CNBD1: variants seen among roughly 807,000 people sequenced by gnomAD.
CNBD1 encodes the protein cyclic nucleotide-binding domain-containing protein 1.
CNBD1 carries 71 observed loss-of-function variants against 54.4 expected under a neutral mutation model. That is an observed-to-expected ratio of 1.30 (90% confidence interval 1.08 to 1.59). The LOEUF (loss-of-function observed/expected upper bound fraction) is 1.59, where lower values mean the gene tolerates loss of function less well. CNBD1 is among the 40% of genes most tolerant of loss of function. CNBD1 has a pLI of 0.00. For missense variants in CNBD1, 659 were observed against 518.0 expected, an observed-to-expected ratio of 1.27 and a Z score of -2.64; for synonymous variants, 182 against 170.7, an observed-to-expected ratio of 1.07 and a Z score of -0.51.
At chr8:87,319,654 G>A (rs1809478115) in intron 8 of CNBD1, among the ~76,000 whole-genome samples, 1 of 151,986 alleles carries the variant, frequency 6.6e-6, no homozygotes, top group South Asian at 2.1e-4. Context: ...GTAACTAAAT[G>A]TGTTGTTACA....
At chr8:87,022,871 T>A (rs1284063395) in intron 4 of CNBD1, among the ~76,000 whole-genome samples, 1 of 152,178 alleles carries the variant, frequency 6.6e-6, no homozygotes, top group African/African-American at 2.4e-5. Flanking sequence ...CTTGCTTGCT[T>A]GAAGTCACAA....
intron 10 of CNBD1, among the ~76,000 whole-genome samples, chr8:87,378,874 C>T (rs1180569662): frequency 6.7e-6 from 1 of 149,274 alleles, no homozygotes; most frequent in Non-Finnish European, 1.5e-5. Context: ...CTTCATATCC[C>T]TTGTAAGTTG....
chr8:87,298,862 T>C (rs1808933216), intron 8 of CNBD1, among the ~76,000 whole-genome samples: 1 of 152,182 alleles, frequency 6.6e-6, no homozygotes, highest in Admixed American at 6.5e-5. Flanking sequence ...ATCTGCTCTG[T>C]GTCAGCTACT....
At chr8:87,164,416 T>C (rs1358994883) in intron 4 of CNBD1, among the ~76,000 whole-genome samples, 1 of 151,814 alleles carries the variant, frequency 6.6e-6, no homozygotes, top group African/African-American at 2.4e-5. Context: ...CATTTGACCC[T>C]AGATGTTTTT....
chr8:87,298,211 C>T (rs1269137423), intron 8 of CNBD1, among the ~76,000 whole-genome samples: 1 of 151,228 alleles, frequency 6.6e-6, no homozygotes, highest in African/African-American at 2.4e-5. Flanking sequence ...AAAGTTTTAC[C>T]CCACTTGCAA....
chr8:86,901,463 A>G (rs1372571284), intron 2 of CNBD1, among the ~76,000 whole-genome samples: 10 of 152,226 alleles, frequency 6.6e-5, no homozygotes, highest in Admixed American at 6.5e-4. Context: ...TATCTTATTA[A>G]AAGCTTATTA....
chr8:86,967,937 G>T (rs979550399), intron 4 of CNBD1, among the ~76,000 whole-genome samples: 5 of 152,010 alleles, frequency 3.3e-5, no homozygotes, highest in African/African-American at 7.2e-5. Flanking sequence ...TGATAATAGC[G>T]GTAAGGTGTA....
intron 8 of CNBD1, among the ~76,000 whole-genome samples, chr8:87,324,484 T>G (rs1809624745): frequency 6.8e-6 from 1 of 147,612 alleles, no homozygotes; most frequent in African/African-American, 2.5e-5. Context: ...TTTCAGCTCC[T>G]GTTATTGGTC....
At chr8:86,979,285 G>A (rs996263379) in intron 4 of CNBD1, among the ~76,000 whole-genome samples, 4 of 151,268 alleles carry the variant, frequency 2.6e-5, no homozygotes, top group Non-Finnish European at 4.4e-5. Context: ...AACACTGAGG[G>A]CTGGATGTGG....
intron 1 of CNBD1, among the ~76,000 whole-genome samples, chr8:86,885,297 A>G (rs1025918705): frequency 6.6e-6 from 1 of 152,222 alleles, no homozygotes; most frequent in Non-Finnish European, 1.5e-5. Context: ...TAGTTCTTCT[A>G]TTCCAATAAT....
chr8:87,278,141 TGAA>T (rs1808521935), intron 6 of CNBD1, among the ~76,000 whole-genome samples: 1 of 151,142 alleles, frequency 6.6e-6, no homozygotes, highest in African/African-American at 2.4e-5. Context: ...TAAGTAAATA[TGAA>T]GAAGAAAAAA....
chr8:87,126,514 G>A (rs1416090993), intron 4 of CNBD1, among the ~76,000 whole-genome samples: 1 of 151,844 alleles, frequency 6.6e-6, no homozygotes. Context: ...AAATTACTGA[G>A]TTCTGATAAA....
intron 5 of CNBD1, among the ~76,000 whole-genome samples, chr8:87,224,735 T>C (rs1219590117): frequency 2.0e-5 from 3 of 151,418 alleles, no homozygotes; most frequent in Non-Finnish European, 4.4e-5. Context: ...GGCTCTTTTT[T>C]GGTTCCATAT....
intron 2 of CNBD1, among the ~76,000 whole-genome samples, chr8:87,389,637 G>T (rs1385565289): frequency 6.6e-6 from 1 of 152,126 alleles, no homozygotes; most frequent in African/African-American, 2.4e-5. Context: ...CCATGCCCAT[G>T]GGTAGGAAGA....
chr8:87,105,155 C>A (rs1350356038), intron 4 of CNBD1, among the ~76,000 whole-genome samples: 7 of 151,972 alleles, frequency 4.6e-5, no homozygotes, highest in Admixed American at 1.3e-4. Context: ...GGCAAATACA[C>A]AGGGTTTTGG....
chr8:87,310,518 A>G (rs1355157589), intron 8 of CNBD1, among the ~76,000 whole-genome samples: 3 of 152,168 alleles, frequency 2.0e-5, no homozygotes, highest in African/African-American at 7.2e-5. Flanking sequence ...CCACCCTCAT[A>G]GCTTGGAAGA....
intron 8 of CNBD1, among the ~76,000 whole-genome samples, chr8:87,304,309 A>C (rs1308111787): frequency 4.6e-5 from 7 of 152,208 alleles, no homozygotes; most frequent in Admixed American, 3.9e-4. Flanking sequence ...TGCAGCCATA[A>C]AAAATGATGA....
intron 4 of CNBD1, among the ~76,000 whole-genome samples, chr8:87,134,395 C>T (rs1253189376): frequency 6.6e-6 from 1 of 151,984 alleles, no homozygotes; most frequent in Non-Finnish European, 1.5e-5. Flanking sequence ...ATATAGTGTA[C>T]ACCAATATAT....
chr8:87,028,549 A>AGAAAG (rs1809706374), intron 4 of CNBD1, among the ~76,000 whole-genome samples: 1 of 152,226 alleles, frequency 6.6e-6, no homozygotes, highest in Non-Finnish European at 1.5e-5. Flanking sequence ...GCAGCTGAGA[A>AGAAAG]GAAAGGAGAA....
Sources: gnomAD v4.1 joint callset for allele counts (sites outside exome capture counted in the v4.1 genomes callset) on GRCh38, gnomAD v4.1.1 for gene constraint, MANE v1.5 for transcripts, NCBI Gene and HGNC (gene_info 2026-07-23, HGNC 2026-07-21) for gene names.